The following MYO10 variants were observed in gnomAD, a reference collection of about 807,000 sequenced individuals.
The protein encoded by MYO10 is unconventional myosin-X.
MYO10 carries 133 observed loss-of-function variants against 257.3 expected under a neutral mutation model. The ratio of observed to expected loss-of-function variants is 0.52; its 90% CI spans 0.45 to 0.60. The LOEUF (loss-of-function observed/expected upper bound fraction) is 0.60, where lower values mean the gene tolerates loss of function less well. Among genes scored for constraint, MYO10 ranks in the 20% least tolerant of loss-of-function variants. The pLI is 0.00. For missense variants in MYO10, 2,399 were observed against 2,635.7 expected, an observed-to-expected ratio of 0.91 and a Z score of 1.97; for synonymous variants, 1,104 against 1,028.6, an observed-to-expected ratio of 1.07 and a Z score of -1.40.
intron 33 of MYO10, among the ~76,000 whole-genome samples, chr5:16,676,933 T>C (rs1429285330): frequency 6.6e-6 from 1 of 152,256 alleles, no homozygotes; most frequent in East Asian, 1.9e-4. Context: ...TTATCTATAG[T>C]TCATTTCATA....
intron 19 of MYO10, among the ~76,000 whole-genome samples, chr5:16,739,191 CAAA>C (rs1218627544): frequency 2.2e-4 from 21 of 96,540 alleles, no homozygotes; most frequent in African/African-American, 3.1e-4. Context: ...AATCATGTCC[CAAA>C]AAAAAAAAAA....
chr5:16,711,253 A>G lies in MYO10; in HGVS notation c.1930-8T>C. The stretch of plus-strand genomic sequence containing the variant: ...GTCAAACTGGTCTGGCATCTAAACC[A>G]TGCAAAAAAAAAAGATGGGATACCA... On this transcript the variant is annotated splice_region_variant and splice_polypyrimidine_tract_variant and intron_variant, in intron 19 of 40. Coordinates refer to ENST00000513610, the MANE Select transcript of MYO10 (RefSeq NM_012334.3). The G allele has an allele frequency of 6.6e-7, 1 of 1,511,698 alleles. No homozygotes were observed. The highest frequency in any genetic ancestry group is 8.9e-7 in the Non-Finnish European group (1 of 1,129,186). The allele number at this position is 1,511,698 out of a possible 1,614,324, so 93.6% of individuals were successfully genotyped here. A position where few individuals can be genotyped will look rare whatever the true frequency, so the allele number is the denominator to read the frequency against.
chr5:16,818,702 G>T (rs985500538), intron 2 of MYO10, among the ~76,000 whole-genome samples: 1 of 151,752 alleles, frequency 6.6e-6, no homozygotes, highest in Non-Finnish European at 1.5e-5. Context: ...CCCCCCAGAA[G>T]TGCTGGGATT....
At chr5:16,767,021 G>T (rs775476870) in intron 10 of MYO10, among the ~76,000 whole-genome samples, 5 of 151,718 alleles carry the variant, frequency 3.3e-5, no homozygotes, top group African/African-American at 1.2e-4. Flanking sequence ...CACCATGCCC[G>T]GCCTACTACT....
intron 17 of MYO10, among the ~76,000 whole-genome samples, chr5:16,760,308 A>C (rs1740668308): frequency 6.6e-6 from 1 of 151,206 alleles, no homozygotes; most frequent in Non-Finnish European, 1.5e-5. Context: ...AAAAAAAAAA[A>C]AAAATAGCCA....
Position 16,704,619 on chromosome 5 carries a change from C to G in MYO10, c.2236G>C (p.Ala746Pro), listed in dbSNP as rs747450208. ...KRREEEVSHA[A>P]MVIRAHVLGF... ...AAGACATGGGCCCGAATCACCATGGCCGCGTGGCTCACTTCCTCTTCCCTC... is the reference window on the plus strand; with the variant it reads ...AAGACATGGGCCCGAATCACCATGGGCGCGTGGCTCACTTCCTCTTCCCTC... Residue 746 changes from alanine (A) to proline (P), a missense_variant, in exon 22 of 41, where the codon GCC becomes CCC. Ala to Pro is a conservative substitution (Grantham distance 27). Around this residue, in one of 3 missense-constraint regions of MYO10, gnomAD observed 1,820 missense variants for 1,939.4 expected, o/e 0.94. Coordinates refer to ENST00000513610, the MANE Select transcript of MYO10 (RefSeq NM_012334.3). The G allele has an allele frequency of 6.2e-7, 1 of 1,613,788 alleles. No homozygotes were observed.
At chr5:16,869,939 G>A (rs759579006) in intron 2 of MYO10, among the ~76,000 whole-genome samples, 10 of 141,710 alleles carry the variant, frequency 7.1e-5, no homozygotes, top group Non-Finnish European at 1.1e-4. Context: ...GGGAGGGGGA[G>A]GGGGAGGGGA....
At position 16,780,618 on chromosome 5, in the gene MYO10, TA is replaced by T; in HGVS notation, c.742-11del. 6.4e-7 allele frequency: 1 copy of T among 1,565,840 alleles called. No individual in the cohort carries two copies. Among genetic ancestry groups the T allele is most frequent in the Non-Finnish European group, 8.7e-7 (1 of 1,151,366 alleles). On this transcript the variant is annotated splice_polypyrimidine_tract_variant and intron_variant, in intron 7 of 40. Coordinates refer to ENST00000513610, the MANE Select transcript of MYO10 (RefSeq NM_012334.3). ...GCCTTACTACTCGGTTCTGGGAAGA[TA>T]AATCAGATTTATATTCAGAGATGTG...
At chr5:16,844,954 G>GCACACACA (rs70943809) in intron 2 of MYO10, among the ~76,000 whole-genome samples, 1 of 142,310 alleles carries the variant, frequency 7.0e-6, no homozygotes, top group Non-Finnish European at 1.5e-5. Context: ...ACACACACAC[G>GCACACACA]CACACACACA....
chr5:16,927,622 C>T (rs1046197993), intron 1 of MYO10, among the ~76,000 whole-genome samples: 2 of 152,178 alleles, frequency 1.3e-5, no homozygotes, highest in Non-Finnish European at 2.9e-5. Context: ...CCGCGCCCGG[C>T]CTTTAACTGC....
intron 9 of MYO10, among the ~76,000 whole-genome samples, chr5:16,775,902 T>C (rs550694464): frequency 1.4e-5 from 2 of 143,266 alleles, no homozygotes; most frequent in South Asian, 4.5e-4. Flanking sequence ...TTTTTCTAAT[T>C]TTTTTATTTT....
chr5:16,904,904 G>C (rs1745480300), intron 1 of MYO10, among the ~76,000 whole-genome samples: 1 of 152,132 alleles, frequency 6.6e-6, no homozygotes, highest in South Asian at 2.1e-4. Context: ...ACTCCAGGCT[G>C]GGCGACAGAG....
chr5:16,779,554 C>T lies in MYO10; in HGVS notation c.921G>A (p.Arg307=). ...TTTAAAAGTAACTTACAATAACTTC[C>T]CTAAAGGATTCCTGGTCACTGATTG... ...DKTISDQESF[R]EVITAMDVMQ... is the part of the protein sequence containing the mutation. The change falls in exon 9 of 41, where the codon AGG becomes AGA. Residue 307 remains arginine, a synonymous_variant. Coordinates refer to ENST00000513610, the MANE Select transcript of MYO10 (RefSeq NM_012334.3). 2 of 1,565,366 alleles carry T rather than the reference C, an allele frequency of 1.3e-6. No homozygotes were observed. The highest frequency in any genetic ancestry group is 2.3e-5 in the East Asian group (1 of 43,482).
chr5:16,794,487 C>T (rs947447865), intron 4 of MYO10, among the ~76,000 whole-genome samples, 159 bp downstream of exon 4: 8 of 151,784 alleles, frequency 5.3e-5, no homozygotes, highest in African/African-American at 1.9e-4. Context: ...CTTCTGAAAG[C>T]TGAAGTTACC....
chr5:16,913,760 A>T (rs538144431), intron 1 of MYO10, among the ~76,000 whole-genome samples: 2 of 152,338 alleles, frequency 1.3e-5, no homozygotes, highest in East Asian at 3.9e-4. Flanking sequence ...GTATGAGCTG[A>T]AGTTCAGAAA....
intron 3 of MYO10, among the ~76,000 whole-genome samples, chr5:16,801,504 G>A (rs532645394): frequency 9.9e-5 from 15 of 152,136 alleles, no homozygotes; most frequent in African/African-American, 3.6e-4. Flanking sequence ...GAGCCACCAT[G>A]CCTGGCTAAG....
intron 1 of MYO10, among the ~76,000 whole-genome samples, chr5:16,880,007 G>A (rs907858215): frequency 7.9e-5 from 12 of 152,042 alleles, no homozygotes; most frequent in Admixed American, 1.3e-4. Flanking sequence ...GTAAAACCGC[G>A]TGTCTACCAA....
intron 2 of MYO10, among the ~76,000 whole-genome samples, chr5:16,827,275 G>A (rs947519054): frequency 6.6e-6 from 1 of 152,070 alleles, no homozygotes; most frequent in Non-Finnish European, 1.5e-5. Flanking sequence ...ATAGCCTAGG[G>A]GTTAACATTA....
At chr5:16,748,802 T>A (rs1740295072) in intron 19 of MYO10, among the ~76,000 whole-genome samples, 1 of 152,180 alleles carries the variant, frequency 6.6e-6, no homozygotes, top group African/African-American at 2.4e-5. Flanking sequence ...TGTGTGGTCA[T>A]GAGTTGTCTA....
Sources: gnomAD v4.1 joint callset for allele counts (sites outside exome capture counted in the v4.1 genomes callset) on GRCh38, gnomAD v4.1.1 for gene constraint, gnomAD v4.1.1 regional missense constraint, MANE v1.5 for transcripts, NCBI Gene and HGNC (gene_info 2026-07-23, HGNC 2026-07-21) for gene names.